Variants in CUL3 observed in about 807,000 individuals in gnomAD.
CUL3 encodes cullin 3.
In CUL3, 19 loss-of-function variants were observed where a neutral mutation model predicts 89.1. That is an observed-to-expected ratio of 0.21 (90% confidence interval 0.15 to 0.31). The LOEUF is 0.31. Ranked by LOEUF, CUL3 falls within the 10% of genes least tolerant of loss-of-function variation. CUL3 has a pLI of 1.00. For missense variants in CUL3, 469 were observed against 942.3 expected (o/e 0.50, Z 6.58); for synonymous variants, 351 against 308.4 (o/e 1.14, Z -1.45).
chr2:224,582,354 G>A (rs1273991865), intron 1 of CUL3, among the ~76,000 whole-genome samples: 2 of 152,118 alleles, frequency 1.3e-5, no homozygotes, highest in African/African-American at 4.8e-5. Flanking sequence ...CTGCCAATCT[G>A]GAAGACAGGA....
intron 2 of CUL3, among the ~76,000 whole-genome samples, chr2:224,542,669 A>G (rs1023382337): frequency 2.6e-4 from 39 of 152,152 alleles, no homozygotes; most frequent in African/African-American, 9.4e-4. Context: ...TTGGCCTCCC[A>G]AAGTGTTGGG....
intron 2 of CUL3, among the ~76,000 whole-genome samples, chr2:224,542,991 C>G (rs1694173305): frequency 6.6e-6 from 1 of 152,156 alleles, no homozygotes; most frequent in Non-Finnish European, 1.5e-5. Context: ...GCACAGTTCT[C>G]CCATACCCCA....
chr2:224,525,409 C>CCT (rs1693433989), intron 3 of CUL3, among the ~76,000 whole-genome samples: 1 of 152,140 alleles, frequency 6.6e-6, no homozygotes, highest in Non-Finnish European at 1.5e-5. Flanking sequence ...ATCTTTCTAA[C>CCT]CTCAGTTTTC....
At chr2:224,572,630 G>GAAAAAAAAAAA (rs67105454) in intron 1 of CUL3, among the ~76,000 whole-genome samples, 1 of 86,298 alleles carries the variant, frequency 1.2e-5, no homozygotes, top group African/African-American at 4.4e-5. Context: ...GAGAGTGAGA[G>GAAAAAAAAAAA]AAAAAAAAAA....
intron 4 of CUL3, 96 bp downstream of exon 4, chr2:224,514,516 A>C: frequency 9.1e-7 from 1 of 1,096,150 alleles, no homozygotes; most frequent in African/African-American, 1.6e-5. Context: ...CTCAACATTC[A>C]AACTTTTATT....
At chr2:224,571,608 T>C (rs1695182394) in intron 1 of CUL3, among the ~76,000 whole-genome samples, 1 of 152,088 alleles carries the variant, frequency 6.6e-6, no homozygotes, top group Non-Finnish European at 1.5e-5. Flanking sequence ...GTTACAAAAA[T>C]CTGCTATAAG....
At chr2:224,555,443 T>A (rs962972478) in intron 2 of CUL3, among the ~76,000 whole-genome samples, 4 of 152,164 alleles carry the variant, frequency 2.6e-5, no homozygotes, top group African/African-American at 9.6e-5. Context: ...AGCATCCTCA[T>A]AATATGCTGC....
At chr2:224,536,557 T>A (rs1222335096) in intron 2 of CUL3, among the ~76,000 whole-genome samples, 2 of 152,254 alleles carry the variant, frequency 1.3e-5, no homozygotes, top group Non-Finnish European at 2.9e-5. Flanking sequence ...AGAATAGTGC[T>A]TGGTATATAT....
At position 224,491,211 on chromosome 2, in the gene CUL3, T is replaced by C. The variant is rs369402063; in HGVS notation, c.1842+4621A>G. Among the ~76,000 whole-genome samples the C allele has an allele frequency of 5.3e-5, 8 of 152,198 alleles. No individual in the cohort carries two copies. In the East Asian group the frequency reaches 1.2e-3, roughly 22 times the overall value. On this transcript the variant is annotated intron_variant, in intron 13 of 15. Transcript: ENST00000264414. Reference sequence around the variant, plus strand: ...TTCATTTCAGATTTCCTTGAATTTATAGGTGACTTTTAAAAACAGCACACT... The same window carrying C: ...TTCATTTCAGATTTCCTTGAATTTACAGGTGACTTTTAAAAACAGCACACT...
At chr2:224,558,054 C>A (rs1694779732) in intron 1 of CUL3, among the ~76,000 whole-genome samples, 198 bp from the exon 2 acceptor site, 1 of 152,004 alleles carries the variant, frequency 6.6e-6, no homozygotes, top group African/African-American at 2.4e-5. Context: ...GGTTCTAGAT[C>A]TGTTAGAAGC....
At chr2:224,515,523 A>AATTATT (rs1693007118) in intron 3 of CUL3, among the ~76,000 whole-genome samples, 1 of 152,160 alleles carries the variant, frequency 6.6e-6, no homozygotes, top group South Asian at 2.1e-4. Flanking sequence ...AGCCTTCTAA[A>AATTATT]ATTATTAAGT....
At chr2:224,518,259 A>C (rs575844291) in intron 3 of CUL3, among the ~76,000 whole-genome samples, 7 of 152,180 alleles carry the variant, frequency 4.6e-5, no homozygotes, top group Middle Eastern at 3.4e-3. Flanking sequence ...TCCTTCATTA[A>C]GCATAAAGTT....
intron 1 of CUL3, among the ~76,000 whole-genome samples, chr2:224,567,049 C>A (rs1408772456): frequency 1.3e-5 from 2 of 152,258 alleles, no homozygotes; most frequent in South Asian, 2.1e-4. Context: ...GGGAGCACTT[C>A]CAGGTTCACT....
rs1195645903 is a variant in CUL3, at chr2:224,576,242, G to A, written c.66+8702C>T. The stretch of plus-strand genomic sequence containing the variant: ...GGGGACCAGAGTGTACAATTTAACA[G>A]TGTGACAGGAAGGGATGAGATGCGA... On this transcript the variant is annotated intron_variant, in intron 1 of 15. Coordinates refer to ENST00000264414, the MANE Select transcript of CUL3 (RefSeq NM_003590.5). Among the ~76,000 whole-genome samples the A allele has an allele frequency of 3.9e-5, 6 of 152,158 alleles. No homozygotes were observed. In the East Asian group the frequency reaches 1.2e-3, roughly 29 times the overall value.
Position 224,473,653 on chromosome 2 carries a change from G to C in CUL3, c.*592C>G, listed in dbSNP as rs1254835720. The C allele has an allele frequency of 1.1e-5, 2 of 185,650 alleles. No individual in the cohort carries two copies. The highest frequency in any genetic ancestry group is 2.3e-5 in the Non-Finnish European group (2 of 87,474). 11.5% of individuals were successfully genotyped at this position (185,650 alleles called of 1,614,324 possible). ...GATGTGTACTTGAGCCCAAAACAAAGGTTCCTGGTCATAAGGCTAGAAGAT... is the reference window on the plus strand; with the variant it reads ...GATGTGTACTTGAGCCCAAAACAAACGTTCCTGGTCATAAGGCTAGAAGAT... On this transcript the variant is annotated 3_prime_UTR_variant, in exon 16 of 16. Coordinates refer to ENST00000264414, the MANE Select transcript of CUL3 (RefSeq NM_003590.5).
chr2:224,536,613 C>T (rs1693908184), intron 2 of CUL3, among the ~76,000 whole-genome samples: 2 of 152,154 alleles, frequency 1.3e-5, no homozygotes, highest in South Asian at 4.1e-4. Flanking sequence ...CATGATTCAC[C>T]TCCAACATAA....
At chr2:224,493,894 G>C (rs1416261447) in intron 13 of CUL3, among the ~76,000 whole-genome samples, 12 of 152,236 alleles carry the variant, frequency 7.9e-5, no homozygotes, top group Admixed American at 7.2e-4. Flanking sequence ...CTCAACGCTT[G>C]CTTAATCAGT....
intron 10 of CUL3, among the ~76,000 whole-genome samples, chr2:224,501,501 G>A (rs1302492184): frequency 1.3e-5 from 2 of 152,182 alleles, no homozygotes; most frequent in Non-Finnish European, 2.9e-5. Flanking sequence ...TATTCAGGAT[G>A]TGTTATAAAC....
rs961276335 is a variant in CUL3 at position 224,473,849 on chromosome 2, C to T, written c.*396G>A. On this transcript the variant is annotated 3_prime_UTR_variant, in exon 16 of 16. Coordinates refer to ENST00000264414, the MANE Select transcript of CUL3 (RefSeq NM_003590.5). ...TTTTTGTTACCCAACTTACACAATG[C>T]GCAAAGTGCTAAGCAACACTACAAA... 2 of 208,408 alleles carry T rather than the reference C, an allele frequency of 9.6e-6. No individual in the cohort carries two copies. The highest frequency in any genetic ancestry group is 2.3e-5 in the African/African-American group (1 of 44,010). The allele number at this position is 208,408 out of a possible 1,614,324, so 12.9% of individuals were successfully genotyped here. A position where few individuals can be genotyped will look rare whatever the true frequency, so the allele number is the denominator to read the frequency against.
Sources: gnomAD v4.1 joint callset for allele counts (sites outside exome capture counted in the v4.1 genomes callset) on GRCh38, gnomAD v4.1.1 for gene constraint, MANE v1.5 for transcripts, NCBI Gene and HGNC (gene_info 2026-07-23, HGNC 2026-07-21) for gene names.